The following ELOVL6 variants were observed in gnomAD, a reference collection of about 807,000 sequenced individuals.
ELOVL6 encodes very long chain fatty acid elongase 6.
A neutral mutation model predicts 31.7 loss-of-function variants in ELOVL6; 8 were observed. That is an observed-to-expected ratio of 0.25 (90% CI 0.15 to 0.45). The LOEUF (loss-of-function observed/expected upper bound fraction) is 0.45. Ranked by LOEUF, ELOVL6 falls within the 20% of genes least tolerant of loss-of-function variation. The pLI is 1.00. For synonymous variants in ELOVL6, 101 were observed against 117.7 expected, an observed-to-expected ratio of 0.86 and a Z score of 0.92; for missense variants, 126 against 326.4, an observed-to-expected ratio of 0.39 and a Z score of 4.73.
intron 1 of ELOVL6, among the ~76,000 whole-genome samples, chr4:110,187,059 C>T (rs1759471434): frequency 6.6e-6 from 1 of 151,232 alleles, no homozygotes; most frequent in Non-Finnish European, 1.5e-5. Context: ...TATCTTCACT[C>T]ATTTTATATT....
chr4:110,096,234 A>G (rs549501383), intron 2 of ELOVL6, among the ~76,000 whole-genome samples: 10 of 152,344 alleles, frequency 6.6e-5, no homozygotes, highest in Admixed American at 3.3e-4. Flanking sequence ...TTACACTGAG[A>G]CAACGTGCAT....
At chr4:110,158,657 A>ATATATATATATATATTTTTTT in intron 1 of ELOVL6, among the ~76,000 whole-genome samples, 6 of 74,160 alleles carry the variant, frequency 8.1e-5, no homozygotes, top group South Asian at 4.1e-4. Flanking sequence ...ATATATATAT[A>ATATATATATATATATTTTTTT]TTTTTTTTTT....
intron 1 of ELOVL6, among the ~76,000 whole-genome samples, chr4:110,119,688 C>T (rs1025214513): frequency 6.6e-6 from 1 of 151,988 alleles, no homozygotes; most frequent in African/African-American, 2.4e-5. Flanking sequence ...CTCTTTGCCC[C>T]TTCACAGATT....
At chr4:110,116,596 A>G (rs1379034061) in intron 1 of ELOVL6, among the ~76,000 whole-genome samples, 2 of 152,144 alleles carry the variant, frequency 1.3e-5, no homozygotes, top group Admixed American at 1.3e-4. Flanking sequence ...TATGTATTCG[A>G]TTTATTCTGA....
intron 1 of ELOVL6, among the ~76,000 whole-genome samples, chr4:110,176,012 T>G (rs914175942): frequency 9.6e-5 from 14 of 146,584 alleles, no homozygotes; most frequent in Admixed American, 9.1e-4. Context: ...TATCTAGAGC[T>G]CTCCTCATTG....
At chr4:110,064,188 C>G (rs1755230648) in intron 2 of ELOVL6, among the ~76,000 whole-genome samples, 1 of 152,000 alleles carries the variant, frequency 6.6e-6, no homozygotes, top group Non-Finnish European at 1.5e-5. Context: ...GTGGAGGGAG[C>G]AGTATACGTT....
chr4:110,196,697 G>C (rs554290763), intron 1 of ELOVL6, among the ~76,000 whole-genome samples: 1,653 of 152,168 alleles, frequency 0.011, 19 homozygotes, highest in Non-Finnish European at 0.017. Context: ...GCTCCGGCTC[G>C]GGCCAGACGC....
intron 2 of ELOVL6, among the ~76,000 whole-genome samples, chr4:110,069,095 A>C (rs1359616148): frequency 6.6e-6 from 1 of 150,746 alleles, no homozygotes; most frequent in East Asian, 1.9e-4. Flanking sequence ...GCGCCACTGC[A>C]CTCCAGCCTG....
At chr4:110,142,644 T>C (rs151090988) in intron 1 of ELOVL6, among the ~76,000 whole-genome samples, 21 of 152,314 alleles carry the variant, frequency 1.4e-4, no homozygotes, top group African/African-American at 4.8e-4. Flanking sequence ...GATAATCAAA[T>C]GGGTCCTTCC....
At chr4:110,081,253 A>G (rs982695497) in intron 2 of ELOVL6, among the ~76,000 whole-genome samples, 57 of 152,214 alleles carry the variant, frequency 3.7e-4, no homozygotes, top group Non-Finnish European at 5.7e-4. Context: ...TTTAAAGTTC[A>G]TATGGAACCA....
chr4:110,160,097 C>A (rs1253700690), intron 1 of ELOVL6, among the ~76,000 whole-genome samples: 1 of 150,326 alleles, frequency 6.7e-6, no homozygotes, highest in Non-Finnish European at 1.5e-5. Flanking sequence ...TTACAACTTA[C>A]ACACACACAC....
At chr4:110,113,682 T>A (rs151214863) in intron 1 of ELOVL6, among the ~76,000 whole-genome samples, 2 of 152,168 alleles carry the variant, frequency 1.3e-5, no homozygotes, top group Admixed American at 6.5e-5. Flanking sequence ...AAAAAATAAT[T>A]TCTAGTTTCT....
intron 2 of ELOVL6, among the ~76,000 whole-genome samples, chr4:110,083,460 C>T (rs993951227): frequency 2.0e-5 from 3 of 151,484 alleles, no homozygotes; most frequent in African/African-American, 4.9e-5. Flanking sequence ...CAGAGGCTGG[C>T]GGTGATGGGG....
Position 110,083,980 on chromosome 4 carries a change from CCATATACG to C in ELOVL6, c.221+21509_221+21516del, listed in dbSNP as rs1755991627. The stretch of plus-strand genomic sequence containing the variant: ...TATGATATATATGATATAACATATG[CCATATACG>C]ATATATAACATATGCCATATATGGT... On this transcript the variant is annotated intron_variant, in intron 2 of 3. Coordinates refer to ENST00000302274, the MANE Select transcript of ELOVL6 (RefSeq NM_024090.3). Among the ~76,000 whole-genome samples the C allele has an allele frequency of 2.0e-4, 14 of 71,696 alleles. 2 individuals are homozygous for C. Among genetic ancestry groups the C allele is most frequent in the Non-Finnish European group, 3.2e-4 (12 of 38,070 alleles). 47.0% of individuals were successfully genotyped at this position (71,696 alleles called of 152,430 possible).
At chr4:110,173,804 TA>T (rs1759022754) in intron 1 of ELOVL6, among the ~76,000 whole-genome samples, 1 of 151,692 alleles carries the variant, frequency 6.6e-6, no homozygotes, top group Admixed American at 6.6e-5. Context: ...AACTTATGAA[TA>T]CAAAGAAACA....
intron 1 of ELOVL6, among the ~76,000 whole-genome samples, chr4:110,122,037 G>A (rs1318931761): frequency 6.6e-6 from 1 of 152,216 alleles, no homozygotes; most frequent in East Asian, 1.9e-4. Context: ...TACTGTAAGA[G>A]CTTAGGCATA....
At chr4:110,063,260 T>A (rs1045180053) in intron 2 of ELOVL6, among the ~76,000 whole-genome samples, 1 of 152,162 alleles carries the variant, frequency 6.6e-6, no homozygotes, top group Non-Finnish European at 1.5e-5. Context: ...GACAAGTGAG[T>A]CTCTAGGAGC....
intron 2 of ELOVL6, among the ~76,000 whole-genome samples, chr4:110,084,190 T>TATGTGATATATGATATATAAAAC (rs1756069198): frequency 1.8e-5 from 2 of 112,464 alleles, no homozygotes; most frequent in African/African-American, 7.2e-5. Context: ...ATATAACATA[T>TATGTGATATATGATATATAAAAC]AACTTATATG....
At chr4:110,102,935 CGGGTAGGGGGT>C (rs1227228040) in intron 2 of ELOVL6, among the ~76,000 whole-genome samples, 3 of 2,876 alleles carry the variant, frequency 1.0e-3, no homozygotes, top group Non-Finnish European at 2.2e-3. Flanking sequence ...GGACGGGGGG[CGGGTAGGGGGT>C]GGGGAGGGGC....
Sources: gnomAD v4.1 joint callset for allele counts (sites outside exome capture counted in the v4.1 genomes callset) on GRCh38, gnomAD v4.1.1 for gene constraint, MANE v1.5 for transcripts, NCBI Gene and HGNC (gene_info 2026-07-23, HGNC 2026-07-21) for gene names.